Variants in IQCJ observed in about 807,000 individuals in gnomAD.
The protein encoded by IQCJ is IQ domain-containing protein J.
Under a neutral mutation model 11.0 loss-of-function variants are expected in IQCJ, and 9 were observed. The ratio of observed to expected loss-of-function variants is 0.82; its 90% CI spans 0.49 to 1.43. The LOEUF (loss-of-function observed/expected upper bound fraction) is 1.43. Ranked by LOEUF, IQCJ falls within the 40% of genes most tolerant of loss-of-function variation. The probability of loss-of-function intolerance (pLI) is 0.00; values close to 1 mark genes in which losing one functional copy is unlikely to be tolerated. For synonymous variants in IQCJ, 55 were observed against 51.3 expected, an observed-to-expected ratio of 1.07 and a Z score of -0.31; for missense variants, 146 against 133.2, an observed-to-expected ratio of 1.10 and a Z score of -0.47.
chr3:159,128,896 C>A (rs1719831738), intron 1 of IQCJ, among the ~76,000 whole-genome samples: 1 of 152,138 alleles, frequency 6.6e-6, no homozygotes, highest in Non-Finnish European at 1.5e-5. Context: ...GTTTTCAGAA[C>A]TCATATGCCC....
At chr3:159,206,154 TCA>T (rs1489377132) in intron 1 of IQCJ, among the ~76,000 whole-genome samples, 2 of 152,212 alleles carry the variant, frequency 1.3e-5, no homozygotes, top group Non-Finnish European at 2.9e-5. Flanking sequence ...TTCCTTGTTT[TCA>T]GTTTCAGTTT....
intron 1 of IQCJ, among the ~76,000 whole-genome samples, chr3:159,123,035 C>T (rs555384507): frequency 1.3e-5 from 2 of 152,180 alleles, no homozygotes; most frequent in Admixed American, 1.3e-4. Flanking sequence ...GGCAGGGGAA[C>T]TAGAATTTTC....
downstream of IQCJ, chr3:159,265,083 A>G (rs941675660): frequency 1.9e-5 from 12 of 638,062 alleles, no homozygotes; most frequent in Non-Finnish European, 3.3e-5. Flanking sequence ...AAAATATAAG[A>G]TGTTGGGATG....
chr3:159,158,299 T>C (rs1394695515), intron 1 of IQCJ, among the ~76,000 whole-genome samples: 1 of 152,186 alleles, frequency 6.6e-6, no homozygotes, highest in Non-Finnish European at 1.5e-5. Context: ...CAGTGACAGC[T>C]GCAGTGATGA....
At chr3:159,201,989 A>G (rs1238648007) in intron 1 of IQCJ, among the ~76,000 whole-genome samples, 1 of 152,200 alleles carries the variant, frequency 6.6e-6, no homozygotes, top group Non-Finnish European at 1.5e-5. Flanking sequence ...ACTGGAAGAC[A>G]GAAGACATGG....
chr3:159,143,957 T>C (rs946150581), intron 1 of IQCJ, among the ~76,000 whole-genome samples: 1 of 152,066 alleles, frequency 6.6e-6, no homozygotes, highest in African/African-American at 2.4e-5. Context: ...TCCTGAGGGG[T>C]TCAATGTTGT....
At chr3:159,189,768 G>A (rs1723579306) in intron 1 of IQCJ, among the ~76,000 whole-genome samples, 1 of 152,304 alleles carries the variant, frequency 6.6e-6, no homozygotes, top group South Asian at 2.1e-4. Flanking sequence ...TCTGAAAAGA[G>A]GTGTCTGATC....
At chr3:159,227,541 A>G (rs2004299) in intron 1 of IQCJ, among the ~76,000 whole-genome samples, 99,572 of 152,060 alleles carry the variant, frequency 0.65, 33,388 homozygotes, top group Non-Finnish European at 0.74. Flanking sequence ...GTGACATTAT[A>G]GATTCAATGG....
At chr3:159,231,229 G>T (rs1726228875) in intron 1 of IQCJ, among the ~76,000 whole-genome samples, 2 of 152,188 alleles carry the variant, frequency 1.3e-5, no homozygotes, top group African/African-American at 4.8e-5. Flanking sequence ...GCCACATCCA[G>T]CTGTAAGAGT....
intron 1 of IQCJ, among the ~76,000 whole-genome samples, chr3:159,187,400 C>T (rs375070358): frequency 6.6e-6 from 1 of 152,230 alleles, no homozygotes; most frequent in African/African-American, 2.4e-5. Flanking sequence ...TATTGCCTAA[C>T]GCTACCTCAT....
intron 1 of IQCJ, among the ~76,000 whole-genome samples, chr3:159,119,581 T>C (rs757188908): frequency 1.1e-4 from 16 of 152,182 alleles, no homozygotes; most frequent in Non-Finnish European, 1.3e-4. Flanking sequence ...AGTAGTAAAG[T>C]TGTATATAGA....
chr3:159,141,228 A>G (rs1720585243), intron 1 of IQCJ, among the ~76,000 whole-genome samples: 2 of 152,230 alleles, frequency 1.3e-5, no homozygotes, highest in Admixed American at 1.3e-4. Flanking sequence ...TTTGGAAAAG[A>G]AGATCATATG....
At chr3:159,115,274 A>T (rs541875514) in intron 1 of IQCJ, among the ~76,000 whole-genome samples, 92 of 152,294 alleles carry the variant, frequency 6.0e-4, no homozygotes, top group African/African-American at 2.2e-3. Flanking sequence ...GCAAGGCCTC[A>T]TCCCTTCAAC....
chr3:159,069,836 TC>T, intron 1 of IQCJ: 1 of 444,862 alleles, frequency 2.2e-6, no homozygotes, highest in Admixed American at 2.5e-5. Context: ...TAAAAAGCCC[TC>T]CTTTCTTGTG....
intron 1 of IQCJ, chr3:159,069,777 A>T (rs74794458): frequency 1.9e-6 from 1 of 517,714 alleles, no homozygotes; most frequent in African/African-American, 1.9e-5. Flanking sequence ...AAGTAGAGGA[A>T]AAATACATTT....
In IQCJ at chr3:159,139,983, T is replaced by A. The variant is rs182586147; in HGVS notation, c.9+70542T>A. Among the ~76,000 whole-genome samples the A allele has an allele frequency of 6.9e-3, 1,055 of 152,266 alleles. 7 individuals are homozygous for A. The highest frequency in any genetic ancestry group is 0.023 in the African/African-American group (952 of 41,552). ...ATTAAAAGATAGGATATAATTTTTT[T>A]AAAAAATTTAAATAGATAATTTTTT... On this transcript the variant is annotated intron_variant, in intron 1 of 3. Coordinates refer to ENST00000397832, the MANE Select transcript of IQCJ (RefSeq NM_001042706.3).
intron 1 of IQCJ, among the ~76,000 whole-genome samples, chr3:159,074,103 G>A (rs1432001854): frequency 1.3e-5 from 2 of 151,980 alleles, no homozygotes; most frequent in African/African-American, 2.4e-5. Context: ...GAAGAACTGC[G>A]GTCATGGAGT....
intron 1 of IQCJ, among the ~76,000 whole-genome samples, chr3:159,108,175 T>C (rs1020691367): frequency 9.2e-5 from 14 of 152,200 alleles, no homozygotes; most frequent in African/African-American, 3.4e-4. Flanking sequence ...GCTACCACTG[T>C]GATTGCTATT....
intron 1 of IQCJ, among the ~76,000 whole-genome samples, chr3:159,090,523 G>A (rs934722757): frequency 1.4e-4 from 21 of 151,910 alleles, no homozygotes; most frequent in African/African-American, 4.6e-4. Flanking sequence ...GGCTGGTCCA[G>A]GTCTATTCAT....
Sources: gnomAD v4.1 joint callset for allele counts (sites outside exome capture counted in the v4.1 genomes callset) on GRCh38, gnomAD v4.1.1 for gene constraint, MANE v1.5 for transcripts, NCBI Gene and HGNC (gene_info 2026-07-23, HGNC 2026-07-21) for gene names.